The following DCAF5 variants were observed in gnomAD, a reference collection of about 807,000 sequenced individuals.
DCAF5 encodes DDB1- and CUL4-associated factor 5.
Under a neutral mutation model 80.7 loss-of-function variants are expected in DCAF5, and 9 were observed. That is an observed-to-expected ratio of 0.11 (90% CI 0.07 to 0.19). DCAF5 has a LOEUF of 0.19. Ranked by LOEUF, DCAF5 falls within the 10% of genes least tolerant of loss-of-function variation. The pLI is 1.00. For synonymous variants in DCAF5, 433 were observed against 461.9 expected (o/e 0.94, Z 0.80); for missense variants, 842 against 1,205.7 (o/e 0.70, Z 4.47).
chr14:69,144,266 T>C (rs1448042895), intron 1 of DCAF5, among the ~76,000 whole-genome samples: 2 of 151,842 alleles, frequency 1.3e-5, no homozygotes, highest in Non-Finnish European at 1.5e-5. Context: ...TAATTTTCAT[T>C]GTTATTAAGA....
chr14:69,063,632 T>G (rs901511946), intron 7 of DCAF5, among the ~76,000 whole-genome samples: 6 of 152,210 alleles, frequency 3.9e-5, no homozygotes, highest in African/African-American at 1.4e-4. Flanking sequence ...CAAACACTCA[T>G]TCCAAATATT....
intron 7 of DCAF5, among the ~76,000 whole-genome samples, chr14:69,073,056 C>T (rs1189782941): frequency 6.6e-6 from 1 of 152,196 alleles, no homozygotes. Flanking sequence ...TAGAATAAAG[C>T]AGCCAAAGAT....
rs2040622506 is a variant in DCAF5, at chr14:69,118,986, C to T, written c.395+208G>A. 2 of 546,012 alleles carry T rather than the reference C, an allele frequency of 3.7e-6. No individual in the cohort carries two copies. Among genetic ancestry groups the T allele is most frequent in the Non-Finnish European group, 3.2e-6 (1 of 316,742 alleles). 33.8% of individuals were successfully genotyped at this position (546,012 alleles called of 1,614,324 possible). ...TCACCTAAAAAGTACACTCTCATAC[C>T]AACTTTCAAAACTTTCAAATCCCTT... On this transcript the variant is annotated intron_variant, in intron 3 of 8. Coordinates refer to ENST00000341516, the MANE Select transcript of DCAF5 (RefSeq NM_003861.3). This position sits in a 1 kb window ranked among gnomAD's most constrained non-coding sequence, Gnocchi z 4.0.
At chr14:69,088,659 T>A (rs2039427666) in intron 6 of DCAF5, among the ~76,000 whole-genome samples, 1 of 152,234 alleles carries the variant, frequency 6.6e-6, no homozygotes, top group Non-Finnish European at 1.5e-5. Flanking sequence ...TGTTCATTCC[T>A]ATTACGGAAA....
At chr14:69,123,571 A>G (rs2040789774) in intron 1 of DCAF5, among the ~76,000 whole-genome samples, 1 of 152,222 alleles carries the variant, frequency 6.6e-6, no homozygotes, top group South Asian at 2.1e-4. Flanking sequence ...TGTACAATTC[A>G]GTGGCATTAA....
intron 5 of DCAF5, 87 bp from the exon 6 acceptor site, chr14:69,091,974 A>G: frequency 9.3e-7 from 1 of 1,072,948 alleles, no homozygotes; most frequent in Non-Finnish European, 1.4e-6. Flanking sequence ...CCTCCTGTCA[A>G]GCTTGCATAG....
rs532535838 is a variant in DCAF5, at chr14:69,080,511, C to A, written c.880-5100G>T. On this transcript the variant is annotated intron_variant, in intron 6 of 8. Coordinates refer to ENST00000341516, the MANE Select transcript of DCAF5 (RefSeq NM_003861.3). ...TTAACCAGAAAACTGAACTTCACCT[C>A]AAGTAGTGAAATTGGAGGCACAGGT... Among the ~76,000 whole-genome samples, 11 of 152,312 alleles carry A rather than the reference C, an allele frequency of 7.2e-5. No individual in the cohort carries two copies. The East Asian group carries it at 2.1e-3, about 29-fold the overall frequency.
chr14:69,108,225 G>A (rs750181584), intron 5 of DCAF5, among the ~76,000 whole-genome samples: 1 of 152,244 alleles, frequency 6.6e-6, no homozygotes, highest in African/African-American at 2.4e-5. Context: ...CCAAAATAGT[G>A]CCAGGTGCCG....
At chr14:69,096,417 T>C (rs942212482) in intron 5 of DCAF5, among the ~76,000 whole-genome samples, 10 of 152,240 alleles carry the variant, frequency 6.6e-5, no homozygotes, top group African/African-American at 1.4e-4. Flanking sequence ...GAATTCAGTA[T>C]ACTTTTTGAA....
chr14:69,080,978 C>T (rs937959709), intron 6 of DCAF5, among the ~76,000 whole-genome samples: 1 of 150,440 alleles, frequency 6.6e-6, no homozygotes, highest in Non-Finnish European at 1.5e-5. Flanking sequence ...GGGGAAACCA[C>T]AGATTAAAAA....
At chr14:69,102,591 G>GACACACACACACACAC (rs143602483) in intron 5 of DCAF5, among the ~76,000 whole-genome samples, 7,272 of 124,752 alleles carry the variant, frequency 0.058, 284 homozygotes, top group East Asian at 0.089. Context: ...TAAAAACAAA[G>GACACACACACACACAC]ACACACACAC....
At chr14:69,131,353 G>A (rs141849205) in intron 1 of DCAF5, among the ~76,000 whole-genome samples, 2 of 152,094 alleles carry the variant, frequency 1.3e-5, no homozygotes, top group East Asian at 3.9e-4. Context: ...TACTGTGTAA[G>A]ACCAAACCTC....
At chr14:69,151,747 GGCAGCTGTCGCC>G (rs1566797327) in intron 1 of DCAF5, among the ~76,000 whole-genome samples, 2 of 152,092 alleles carry the variant, frequency 1.3e-5, no homozygotes, top group Non-Finnish European at 2.9e-5. Flanking sequence ...CCTCCCCAGG[GGCAGCTGTCGCC>G]GCGGCCCGCG....
At position 69,054,162 on chromosome 14, in the gene DCAF5, G is replaced by T. The variant is rs758482350; in HGVS notation, c.2524C>A (p.Pro842Thr). The change falls in exon 9 of 9, where the codon CCT becomes ACT. Residue 842 changes from proline (P) to threonine (T), a missense_variant. Physicochemically the swap from Pro to Thr is conservative, Grantham distance 38. Coordinates refer to ENST00000341516, the MANE Select transcript of DCAF5 (RefSeq NM_003861.3). ...HNNGRLHPRP[P>T]HPHNNGQNLG... The stretch of plus-strand genomic sequence containing the variant: ...TTCTGCCCGTTATTGTGAGGGTGAG[G>T]GGGACGAGGGTGTAAGCGTCCATTG... 1.2e-6 allele frequency: 2 copies of T among 1,614,238 alleles called. No homozygotes were observed. Among genetic ancestry groups the T allele is most frequent in the Non-Finnish European group, 1.7e-6 (2 of 1,180,042 alleles).
At chr14:69,112,095 C>T (rs2040389146) in intron 5 of DCAF5, among the ~76,000 whole-genome samples, 1 of 152,142 alleles carries the variant, frequency 6.6e-6, no homozygotes, top group Non-Finnish European at 1.5e-5. Context: ...TACAATTTTA[C>T]TTTGTAATTT....
At chr14:69,062,632 G>A in intron 7 of DCAF5, 121 bp from the exon 8 acceptor site, 1 of 1,063,316 alleles carries the variant, frequency 9.4e-7, no homozygotes, top group Non-Finnish European at 1.4e-6. Flanking sequence ...ACCACCAGCA[G>A]AATGCTTAAT....
chr14:69,083,567 A>G, intron 6 of DCAF5: 1 of 429,308 alleles, frequency 2.3e-6, no homozygotes, highest in South Asian at 2.4e-5. Context: ...AAAAAATCAA[A>G]ACATTCTATG....
intron 5 of DCAF5, among the ~76,000 whole-genome samples, chr14:69,104,190 A>G (rs919717335): frequency 6.6e-6 from 1 of 152,240 alleles, no homozygotes; most frequent in Non-Finnish European, 1.5e-5. Flanking sequence ...CAGAGTGGCT[A>G]TACCATTACA....
chr14:69,121,806 T>A (rs370318708), intron 2 of DCAF5, among the ~76,000 whole-genome samples: 2 of 152,174 alleles, frequency 1.3e-5, no homozygotes, highest in African/African-American at 4.8e-5. Flanking sequence ...AGGAGCCATC[T>A]GTGGGTCAGG....
Sources: gnomAD v4.1 joint callset for allele counts (sites outside exome capture counted in the v4.1 genomes callset) on GRCh38, gnomAD v4.1.1 for gene constraint, Gnocchi (gnomAD v3.1) non-coding constraint, MANE v1.5 for transcripts, NCBI Gene and HGNC (gene_info 2026-07-23, HGNC 2026-07-21) for gene names.